ACTR3C: variants seen among roughly 807,000 people sequenced by gnomAD.
ACTR3C encodes the protein actin-related protein 3C.
ACTR3C carries 18 observed loss-of-function variants against 26.3 expected under a neutral mutation model. The observed-to-expected ratio is 0.68, with a 90% CI of 0.47 to 1.01. ACTR3C has a LOEUF of 1.01. ACTR3C is among the 50% of genes least tolerant of loss of function. The probability of loss-of-function intolerance (pLI) is 0.00; values close to 1 mark genes in which losing one functional copy is unlikely to be tolerated. For synonymous variants in ACTR3C, 55 were observed against 94.5 expected (o/e 0.58, Z 2.42); for missense variants, 184 against 250.7 (o/e 0.73, Z 1.80).
the ACTR3C span, among the ~76,000 whole-genome samples, chr7:149,973,219 C>T: frequency 3.3e-5 from 5 of 152,222 alleles, no homozygotes; most frequent in Admixed American, 1.3e-4. Context: ...AGAGGCCCCA[C>T]CCGGGGGTGA....
At chr7:150,180,651 T>C in the ACTR3C span, among the ~76,000 whole-genome samples, 106 of 148,682 alleles carry the variant, frequency 7.1e-4, 1 homozygote, top group Admixed American at 6.8e-3. Context: ...TAGCTGGGAC[T>C]ACAGGCGCGC....
At chr7:150,046,602 G>C in the ACTR3C span, among the ~76,000 whole-genome samples, 1 of 138,872 alleles carries the variant, frequency 7.2e-6, no homozygotes, top group Non-Finnish European at 1.5e-5. Context: ...GCTGTTATAA[G>C]AGCTGTACCA....
chr7:150,251,247 C>A (rs947764927), intron 6 of ACTR3C, among the ~76,000 whole-genome samples: 1 of 152,162 alleles, frequency 6.6e-6, no homozygotes, highest in African/African-American at 2.4e-5. Flanking sequence ...ATTTAATTCT[C>A]AATATCTTAC....
At chr7:150,022,534 C>A in the ACTR3C span, among the ~76,000 whole-genome samples, 9 of 152,042 alleles carry the variant, frequency 5.9e-5, no homozygotes, top group East Asian at 1.7e-3. Context: ...CCTCCCTGCC[C>A]TGGTTCTTGA....
the ACTR3C span, among the ~76,000 whole-genome samples, chr7:150,212,337 T>C: frequency 6.0e-5 from 9 of 149,260 alleles, no homozygotes; most frequent in African/African-American, 1.8e-4. Context: ...TACTGCCCTC[T>C]ATTCCTGGAA....
chr7:150,034,036 G>T, the ACTR3C span, among the ~76,000 whole-genome samples: 2 of 151,954 alleles, frequency 1.3e-5, no homozygotes, highest in Non-Finnish European at 2.9e-5. Flanking sequence ...AGAGCCAGGG[G>T]GGGAAGAGGG....
At chr7:150,226,996 C>T in the ACTR3C span, among the ~76,000 whole-genome samples, 1 of 147,582 alleles carries the variant, frequency 6.8e-6, no homozygotes, top group Non-Finnish European at 1.5e-5. Context: ...CTTCCCCTTG[C>T]TTTTATTTAA....
the ACTR3C span, among the ~76,000 whole-genome samples, chr7:149,904,718 G>A: frequency 4.7e-5 from 7 of 148,688 alleles, no homozygotes; most frequent in South Asian, 6.8e-4. Flanking sequence ...AATCAAGGGC[G>A]GGCACAGTGG....
At chr7:149,946,519 A>G in the ACTR3C span, among the ~76,000 whole-genome samples, 2 of 152,154 alleles carry the variant, frequency 1.3e-5, no homozygotes, top group South Asian at 2.1e-4. Context: ...TTGGCAGGCG[A>G]GTCCCCCTGT....
intron 3 of ACTR3C, 78 bp downstream of exon 3, chr7:150,293,234 T>G: frequency 6.6e-7 from 1 of 1,526,586 alleles, no homozygotes; most frequent in South Asian, 1.3e-5. Flanking sequence ...AAGAGGTTTT[T>G]TTTTTTTTTA....
intron 1 of ACTR3C, among the ~76,000 whole-genome samples, chr7:150,316,768 G>A (rs952077061): frequency 3.3e-5 from 5 of 152,244 alleles, no homozygotes; most frequent in Admixed American, 3.3e-4. Flanking sequence ...ACAGGCATGA[G>A]CCACCACGCC....
At chr7:150,200,268 G>T in the ACTR3C span, among the ~76,000 whole-genome samples, 3 of 152,122 alleles carry the variant, frequency 2.0e-5, no homozygotes, top group African/African-American at 4.8e-5. Context: ...GGGGTGTTAA[G>T]CCCAGGTCTG....
chr7:150,172,255 G>T, the ACTR3C span, among the ~76,000 whole-genome samples: 1 of 150,650 alleles, frequency 6.6e-6, no homozygotes, highest in Non-Finnish European at 1.5e-5. Context: ...CCAAGACTAG[G>T]AAGAAAAGGA....
chr7:149,889,059 A>G, the ACTR3C span, among the ~76,000 whole-genome samples: 3,196 of 152,200 alleles, frequency 0.021, 60 homozygotes, highest in Non-Finnish European at 0.033. Context: ...CCATTGTTAA[A>G]AAAATGAAAA....
At chr7:150,093,280 A>AGT in the ACTR3C span, among the ~76,000 whole-genome samples, 2 of 151,230 alleles carry the variant, frequency 1.3e-5, no homozygotes, top group Non-Finnish European at 1.5e-5. Flanking sequence ...GTGAGACCCC[A>AGT]GTGTGTGCAT....
Position 150,291,771 on chromosome 7 carries a change from C to A in ACTR3C, c.153+1541G>T, listed in dbSNP as rs1262877294. 3.9e-4 allele frequency among the ~76,000 whole-genome samples: 59 copies of A among 152,034 alleles called. 1 individual carries two copies. The highest frequency in any genetic ancestry group is 9.4e-4 in the African/African-American group (39 of 41,368). On this transcript the variant is annotated intron_variant, in intron 3 of 7. Coordinates refer to ENST00000683684, the MANE Select transcript of ACTR3C (RefSeq NM_001164458.2). The stretch of plus-strand genomic sequence containing the variant: ...GCAGCGCAGTTCTCTGAGGAAATGG[C>A]AGCCTGAGTTCTCGGTGAGTGCTCT...
In ACTR3C at chr7:150,247,251, C is replaced by T. The variant is rs920480120; in HGVS notation, c.*357G>A. ...ATTTATTTCTGGCACAGCTTTCCCT[C>T]TCTCTCTCCAGGTGAAGTTTGTGCA... On this transcript the variant is annotated 3_prime_UTR_variant, in exon 8 of 8. Transcript: ENST00000683684. 1 of 152,222 alleles carries T rather than the reference C, an allele frequency of 6.6e-6. No individual in the cohort carries two copies. Among genetic ancestry groups the T allele is most frequent in the Non-Finnish European group, 1.5e-5 (1 of 68,038 alleles). 9.4% of individuals were successfully genotyped at this position (152,222 alleles called of 1,614,324 possible). A position where few individuals can be genotyped will look rare whatever the true frequency, so the allele number is the denominator to read the frequency against.
the ACTR3C span, among the ~76,000 whole-genome samples, chr7:150,055,799 A>T: frequency 6.6e-6 from 1 of 152,056 alleles, no homozygotes; most frequent in African/African-American, 2.4e-5. Flanking sequence ...AACTGCAAAG[A>T]AAAAAAAGCC....
chr7:150,109,429 A>G, the ACTR3C span, among the ~76,000 whole-genome samples: 71 of 151,952 alleles, frequency 4.7e-4, 1 homozygote, highest in Non-Finnish European at 2.4e-4. Context: ...TAAATATTTG[A>G]TTCCCCAATG....
Sources: gnomAD v4.1 joint callset for allele counts (sites outside exome capture counted in the v4.1 genomes callset) on GRCh38, gnomAD v4.1.1 for gene constraint, MANE v1.5 for transcripts, NCBI Gene and HGNC (gene_info 2026-07-23, HGNC 2026-07-21) for gene names.